Variants in TENM3 observed in about 807,000 individuals in gnomAD.
The protein encoded by TENM3 is teneurin transmembrane protein 3.
TENM3 carries 63 observed loss-of-function variants against 255.1 expected under a neutral mutation model. That is an observed-to-expected ratio of 0.25 (90% confidence interval 0.20 to 0.30). TENM3 has a LOEUF of 0.30. Among genes scored for constraint, TENM3 ranks in the 10% least tolerant of loss-of-function variants. The pLI is 1.00. For missense variants in TENM3, 2,929 were observed against 3,461.1 expected, an observed-to-expected ratio of 0.85 and a Z score of 3.86; for synonymous variants, 1,306 against 1,322.3, an observed-to-expected ratio of 0.99 and a Z score of 0.27.
At chr4:182,267,932 T>C (rs961423329) in intron 1 of TENM3, among the ~76,000 whole-genome samples, 1 of 152,180 alleles carries the variant, frequency 6.6e-6, no homozygotes, top group African/African-American at 2.4e-5. Flanking sequence ...TTCTGCAATC[T>C]AGGCTAACCC....
chr4:182,346,602 A>T, intron 2 of TENM3, 49 bp from the exon 3 acceptor site: 1 of 1,474,976 alleles, frequency 6.8e-7, no homozygotes, highest in Non-Finnish European at 9.2e-7. Flanking sequence ...AAAGAAACTA[A>T]CACTGAACAT....
the TENM3 span, among the ~76,000 whole-genome samples, chr4:181,558,292 TAC>T: frequency 1.3e-5 from 2 of 152,200 alleles, no homozygotes; most frequent in African/African-American, 4.8e-5. Context: ...GATTTGAACT[TAC>T]AGAGTATGAT....
intron 4 of TENM3, among the ~76,000 whole-genome samples, chr4:182,619,206 T>TC: frequency 6.6e-6 from 1 of 152,084 alleles, no homozygotes; most frequent in South Asian, 2.1e-4. Context: ...GGCAAGCGGA[T>TC]CACGAGGTCA....
intron 3 of TENM3, among the ~76,000 whole-genome samples, chr4:182,379,255 G>A (rs1386069291): frequency 6.6e-6 from 1 of 151,624 alleles, no homozygotes; most frequent in East Asian, 1.9e-4. Context: ...TACTCGGGAG[G>A]CTGAGGCAGG....
chr4:182,260,655 G>T (rs982118591), intron 1 of TENM3, among the ~76,000 whole-genome samples: 1 of 152,050 alleles, frequency 6.6e-6, no homozygotes, highest in Non-Finnish European at 1.5e-5. Context: ...TCAAGTAAAG[G>T]TTGTTTCTTA....
the TENM3 span, among the ~76,000 whole-genome samples, chr4:181,564,028 CTTTTCTTTTTTCTTTTTTT>C: frequency 2.1e-5 from 2 of 94,714 alleles, no homozygotes; most frequent in South Asian, 3.4e-4. Context: ...CTTTTCTTTT[CTTTTCTTTTTTCTTTTTTT>C]TTTTTTTTTT....
At chr4:182,325,178 A>G (rs1018033184) in intron 2 of TENM3, among the ~76,000 whole-genome samples, 5 of 152,370 alleles carry the variant, frequency 3.3e-5, no homozygotes, top group Non-Finnish European at 7.3e-5. Flanking sequence ...CTTTAATAAT[A>G]AAGAATATAT....
chr4:181,455,444 A>C, the TENM3 span, among the ~76,000 whole-genome samples: 241 of 152,276 alleles, frequency 1.6e-3, no homozygotes, highest in African/African-American at 5.6e-3. Context: ...GTAACATTTG[A>C]CAAAGGTTTA....
the TENM3 span, among the ~76,000 whole-genome samples, chr4:181,968,540 G>A: frequency 4.2e-3 from 646 of 152,122 alleles, 5 homozygotes; most frequent in Admixed American, 6.3e-3. Context: ...TTTTCCTCTT[G>A]ACTCATAAAA....
chr4:182,497,373 T>C lies in TENM3; in HGVS notation c.512-103551T>C, dbSNP rs1325456979. On this transcript the variant is annotated intron_variant, in intron 3 of 27. Coordinates refer to ENST00000511685, the MANE Select transcript of TENM3 (RefSeq NM_001080477.4). Reference sequence around the variant, plus strand: ...GCCTCACTTACAGCTTTTAAAAATATTTTCAACCATACTAAATTCCAGAAA... The same window carrying C: ...GCCTCACTTACAGCTTTTAAAAATACTTTCAACCATACTAAATTCCAGAAA... Among the ~76,000 whole-genome samples the C allele has an allele frequency of 4.6e-5, 7 of 152,178 alleles. No homozygotes were observed. The East Asian group carries it at 1.3e-3, about 29-fold the overall frequency.
the TENM3 span, among the ~76,000 whole-genome samples, chr4:181,904,971 C>A: frequency 6.6e-6 from 1 of 152,164 alleles, no homozygotes; most frequent in Non-Finnish European, 1.5e-5. Flanking sequence ...TGCCTGCTGC[C>A]ATCCATGTAA....
At chr4:181,540,435 C>T in the TENM3 span, among the ~76,000 whole-genome samples, 9 of 152,162 alleles carry the variant, frequency 5.9e-5, no homozygotes, top group Admixed American at 2.6e-4. Flanking sequence ...TCCTTAAGTG[C>T]GGCTGTGAAT....
intron 3 of TENM3, among the ~76,000 whole-genome samples, chr4:182,413,433 A>C (rs534893878): frequency 6.6e-6 from 1 of 152,136 alleles, no homozygotes; most frequent in Admixed American, 6.5e-5. Flanking sequence ...CCTGGCCAAC[A>C]TGGCGAAACC....
the TENM3 span, among the ~76,000 whole-genome samples, chr4:181,815,345 C>A: frequency 6.6e-6 from 1 of 151,324 alleles, no homozygotes; most frequent in African/African-American, 2.4e-5. Flanking sequence ...GCCTGTAATC[C>A]CAGCTACTTG....
At chr4:182,531,604 A>G (rs1441911127) in intron 3 of TENM3, among the ~76,000 whole-genome samples, 2 of 152,172 alleles carry the variant, frequency 1.3e-5, no homozygotes, top group African/African-American at 4.8e-5. Context: ...AAAGGAAAAG[A>G]CATGTGGGGT....
intron 3 of TENM3, among the ~76,000 whole-genome samples, chr4:182,461,428 G>T (rs190068231): frequency 9.5e-4 from 144 of 152,298 alleles, no homozygotes; most frequent in African/African-American, 3.3e-3. Flanking sequence ...GAGAATTTTG[G>T]AAGATAAGGT....
intron 3 of TENM3, among the ~76,000 whole-genome samples, chr4:182,532,319 A>G (rs140820270): frequency 1.8e-4 from 27 of 152,332 alleles, no homozygotes; most frequent in African/African-American, 5.5e-4. Flanking sequence ...ATATATGCAT[A>G]TAGTACCTAG....
At chr4:181,603,880 T>C in the TENM3 span, among the ~76,000 whole-genome samples, 1 of 152,218 alleles carries the variant, frequency 6.6e-6, no homozygotes, top group Admixed American at 6.5e-5. Flanking sequence ...AAGAAATTCC[T>C]ATTGTGGATA....
chr4:182,176,028 T>C (rs1752466112), intron 1 of TENM3, among the ~76,000 whole-genome samples: 1 of 152,100 alleles, frequency 6.6e-6, no homozygotes, highest in Non-Finnish European at 1.5e-5. Context: ...TTTTCGTTAG[T>C]AATGTTTTTA....
Sources: allele counts gnomAD v4.1 joint callset (sites outside exome capture counted in the v4.1 genomes callset), GRCh38; gene constraint gnomAD v4.1.1; transcripts MANE v1.5; gene names NCBI Gene and HGNC (gene_info 2026-07-23, HGNC 2026-07-21).